The following NEK10 variants were observed in gnomAD, a reference collection of about 807,000 sequenced individuals.
The protein encoded by NEK10 is serine/threonine-protein kinase Nek10.
In NEK10, 122 loss-of-function variants were observed where a neutral mutation model predicts 159.8. The observed-to-expected ratio is 0.76, with a 90% CI of 0.66 to 0.89. The LOEUF (loss-of-function observed/expected upper bound fraction) is 0.89, where lower values mean the gene tolerates loss of function less well. NEK10 is among the 40% of genes least tolerant of loss of function. The pLI, the probability that NEK10 is intolerant of heterozygous loss-of-function variation, is 0.00. For synonymous variants in NEK10, 466 were observed against 457.1 expected (o/e 1.02, Z -0.25); for missense variants, 1,342 against 1,323.1 (o/e 1.01, Z -0.22).
chr3:27,227,141 T>C (rs939007271), intron 23 of NEK10, among the ~76,000 whole-genome samples: 5 of 152,154 alleles, frequency 3.3e-5, no homozygotes, highest in African/African-American at 1.2e-4. Flanking sequence ...ATTTTTCTAA[T>C]GGGAAAAATG....
rs182459332 is a variant in NEK10 at position 27,300,449 on chromosome 3, T to G, written c.1168+1247A>C. On this transcript the variant is annotated intron_variant, in intron 13 of 35. Coordinates refer to ENST00000691995, the MANE Select transcript of NEK10 (RefSeq NM_001394966.1). ...CCTCTTTCTTTTGTAAATTGCCCTG[T>G]CTTGGGTATGTCTTTAGCAGCAGCG... Among the ~76,000 whole-genome samples the G allele has an allele frequency of 1.5e-3, 221 of 152,178 alleles. 2 individuals are homozygous for G. The highest frequency in any genetic ancestry group is 5.1e-3 in the Admixed American group (78 of 15,290).
intron 22 of NEK10, among the ~76,000 whole-genome samples, chr3:27,266,583 C>T (rs566527406): frequency 1.3e-5 from 2 of 152,342 alleles, no homozygotes; most frequent in African/African-American, 4.8e-5. Context: ...TTTCCCATCT[C>T]AGTAAGTGGC....
intron 20 of NEK10, among the ~76,000 whole-genome samples, chr3:27,285,247 G>C (rs1273638847): frequency 6.6e-6 from 1 of 152,114 alleles, no homozygotes; most frequent in East Asian, 1.9e-4. Flanking sequence ...CCAGGATGTG[G>C]AATGATTGAA....
chr3:27,293,559 TG>T, intron 16 of NEK10, 28 bp downstream of exon 16: 1 of 1,210,016 alleles, frequency 8.3e-7, no homozygotes, highest in Non-Finnish European at 1.2e-6. Flanking sequence ...CTAAACCTAA[TG>T]ATCACTTATA....
chr3:27,214,821 T>C (rs918786978), intron 23 of NEK10: 30 of 1,108,816 alleles, frequency 2.7e-5, no homozygotes, highest in African/African-American at 6.1e-5. Context: ...ATATTTTCCG[T>C]GTAGAAGATA....
chr3:27,346,107 G>A lies in NEK10; in HGVS notation c.242C>T (p.Ala81Val). Residue 81 changes from alanine to valine, a missense_variant, in exon 4 of 36, where the codon GCT becomes GTT. Transcript: ENST00000691995. ...TTACCTAAAATTTTCAAGTTCAACA[G>A]CTTCTGTGGATTCATGCCACTGACC... Reference protein sequence around the residue: ...ARGQWHESTEAVELENFSINY... With the variant: ...ARGQWHESTEVVELENFSINY... 1 of 1,613,658 alleles carries A rather than the reference G, an allele frequency of 6.2e-7. No individual in the cohort carries two copies. The highest frequency in any genetic ancestry group is 8.5e-7 in the Non-Finnish European group (1 of 1,179,660).
At chr3:27,159,354 G>A (rs1945792799) in intron 30 of NEK10, among the ~76,000 whole-genome samples, 1 of 151,958 alleles carries the variant, frequency 6.6e-6, no homozygotes, top group Non-Finnish European at 1.5e-5. Context: ...TACTATACTG[G>A]TTCTCATTTA....
At chr3:27,163,364 T>C (rs1238256030) in intron 29 of NEK10, among the ~76,000 whole-genome samples, 2 of 152,054 alleles carry the variant, frequency 1.3e-5, no homozygotes, top group Non-Finnish European at 2.9e-5. Flanking sequence ...TTTTTCTTTT[T>C]TTTTTTGAGA....
intron 23 of NEK10, among the ~76,000 whole-genome samples, chr3:27,249,218 G>A (rs138790245): frequency 1.3e-4 from 20 of 152,284 alleles, no homozygotes; most frequent in African/African-American, 4.3e-4. Flanking sequence ...CACCATGTTT[G>A]TAAGTTTCCT....
intron 23 of NEK10, among the ~76,000 whole-genome samples, chr3:27,250,062 T>C (rs1315715592): frequency 1.3e-5 from 2 of 152,346 alleles, no homozygotes; most frequent in Admixed American, 1.3e-4. Context: ...TATATGTTAT[T>C]GTGCTATGTC....
rs776090498 is a variant in NEK10, at chr3:27,116,142, T to C, written c.3191-15A>G. The C allele has an allele frequency of 5.6e-6, 9 of 1,611,786 alleles. No homozygotes were observed. The highest frequency in any genetic ancestry group is 7.6e-6 in the Non-Finnish European group (9 of 1,178,394). Reference sequence around the variant, plus strand: ...GGTTGGTAAACCTAAAAAAGATAAATTATGGAAAGTCTGACATTTGGGTTC... The same window carrying C: ...GGTTGGTAAACCTAAAAAAGATAAACTATGGAAAGTCTGACATTTGGGTTC... On this transcript the variant is annotated splice_polypyrimidine_tract_variant and intron_variant, in intron 33 of 35. Transcript: ENST00000691995.
intron 25 of NEK10, among the ~76,000 whole-genome samples, chr3:27,198,023 C>G (rs1949712300): frequency 1.3e-5 from 2 of 152,006 alleles, no homozygotes; most frequent in Admixed American, 1.3e-4. Flanking sequence ...GGCATGCAAT[C>G]CCATTTACAA....
At chr3:27,254,950 C>CACAT (rs1553604693) in intron 23 of NEK10, among the ~76,000 whole-genome samples, 7 of 151,690 alleles carry the variant, frequency 4.6e-5, no homozygotes, top group African/African-American at 1.5e-4. Flanking sequence ...CACACACACA[C>CACAT]ACAGTTGATA....
chr3:27,307,727 C>A, intron 11 of NEK10, 132 bp downstream of exon 11: 2 of 637,016 alleles, frequency 3.1e-6, no homozygotes, highest in Non-Finnish European at 5.6e-6. Context: ...TAAACTTAAA[C>A]AGAAAATAAA....
At chr3:27,268,160 G>A (rs2041055706) in intron 22 of NEK10, among the ~76,000 whole-genome samples, 1 of 152,212 alleles carries the variant, frequency 6.6e-6, no homozygotes, top group Admixed American at 6.5e-5. Context: ...GCTAGCAGAG[G>A]TTGGTTCACG....
At chr3:27,217,843 C>T (rs559048202) in intron 23 of NEK10, among the ~76,000 whole-genome samples, 71 of 152,244 alleles carry the variant, frequency 4.7e-4, no homozygotes, top group African/African-American at 1.6e-3. Flanking sequence ...CCAGTGGATG[C>T]CTGAAACCAA....
intron 8 of NEK10, 41 bp downstream of exon 8, chr3:27,312,058 C>A (rs370093743): frequency 7.6e-7 from 1 of 1,316,796 alleles, no homozygotes; most frequent in Non-Finnish European, 1.1e-6. Context: ...CTTTTTCTAG[C>A]AAGTCCACAA....
chr3:27,208,466 C>T (rs1261564231), intron 23 of NEK10, among the ~76,000 whole-genome samples: 5 of 152,094 alleles, frequency 3.3e-5, no homozygotes, highest in Admixed American at 2.0e-4. Flanking sequence ...ATGGCATTCT[C>T]CACTATGGAG....
chr3:27,293,452 A>G, intron 16 of NEK10, 136 bp downstream of exon 16: 1 of 493,340 alleles, frequency 2.0e-6, no homozygotes, highest in East Asian at 3.1e-5. Context: ...TCTGTGAAAT[A>G]AGAAATCTGA....
Sources: allele counts gnomAD v4.1 joint callset (sites outside exome capture counted in the v4.1 genomes callset), GRCh38; gene constraint gnomAD v4.1.1; transcripts MANE v1.5; gene names NCBI Gene and HGNC (gene_info 2026-07-23, HGNC 2026-07-21).